TRPV6: variants seen among roughly 807,000 people sequenced by gnomAD.
The protein encoded by TRPV6 is transient receptor potential cation channel subfamily V member 6.
TRPV6 carries 39 observed loss-of-function variants against 79.0 expected under a neutral mutation model. The ratio of observed to expected loss-of-function variants is 0.49; its 90% CI spans 0.38 to 0.64. The LOEUF (loss-of-function observed/expected upper bound fraction) is 0.64, where lower values mean the gene tolerates loss of function less well. TRPV6 is among the 30% of genes least tolerant of loss of function. TRPV6 has a pLI of 0.00. For missense variants in TRPV6, 813 were observed against 1,011.1 expected (o/e 0.80, Z 2.66); for synonymous variants, 373 against 391.9 (o/e 0.95, Z 0.57).
Position 142,871,458 on chromosome 7 carries a change from G to A in TRPV6, c.*249C>T, listed in dbSNP as rs1794924046. On this transcript the variant is annotated 3_prime_UTR_variant, in exon 15 of 15. Coordinates refer to ENST00000359396, the MANE Select transcript of TRPV6 (RefSeq NM_018646.6). ...AGTGCTCCTGTCGGAAGGGTGATGA[G>A]CAGGCCACAGGAGAGTTCCTCACGC... 3.8e-6 allele frequency: 2 copies of A among 527,954 alleles called. No homozygotes were observed. Among genetic ancestry groups the A allele is most frequent in the Non-Finnish European group, 6.7e-6 (2 of 298,236 alleles). 32.7% of individuals were successfully genotyped at this position (527,954 alleles called of 1,614,324 possible).
rs1795291064 is a variant in TRPV6 at position 142,885,628 on chromosome 7, A to G, written c.9T>C (p.Pro3=). ...GGGCCGGCCCACCGTCTCCCTGTAG[A>G]GGTCCCGTCTCCTGTCTCCTGCCTT... The change falls in exon 1 of 15, where the codon CCT becomes CCC. Residue 3 remains proline (P), a synonymous_variant. Coordinates refer to ENST00000359396, the MANE Select transcript of TRPV6 (RefSeq NM_018646.6). 1 of 1,415,960 alleles carries G rather than the reference A, an allele frequency of 7.1e-7. No individual in the cohort carries two copies. The highest frequency in any genetic ancestry group is 1.4e-5 in the African/African-American group (1 of 69,240). 87.7% of individuals were successfully genotyped at this position (1,415,960 alleles called of 1,614,324 possible). A position where few individuals can be genotyped will look rare whatever the true frequency, so the allele number is the denominator to read the frequency against.
rs1207380121 is a variant in TRPV6, at chr7:142,871,808, C to T, written c.2197G>A (p.Ala733Thr). Reference sequence around the variant, plus strand: ...CCTTGCCGAAGCCTTTCCCAATTGGCACTGCTGCGGGAGGTACTTCGAGAC... The same window carrying T: ...CCTTGCCGAAGCCTTTCCCAATTGGTACTGCTGCGGGAGGTACTTCGAGAC... Residue 733 changes from alanine to threonine, a missense_variant, in exon 15 of 15, where the codon GCC becomes ACC. By Grantham distance (58) the Ala-to-Thr change is moderately conservative (BLOSUM62 0). Around this residue, in one of 3 missense-constraint regions of TRPV6, gnomAD observed 164 missense variants for 186.1 expected, o/e 0.88. Transcript: ENST00000359396. 3 of 1,614,066 alleles carry T rather than the reference C, an allele frequency of 1.9e-6. No individual in the cohort carries two copies. Among genetic ancestry groups the T allele is most frequent in the Non-Finnish European group, 2.5e-6 (3 of 1,180,024 alleles).
At chr7:142,875,051 C>T (rs1385271152) in intron 9 of TRPV6, 27 bp downstream of exon 9, 1 of 1,614,134 alleles carries the variant, frequency 6.2e-7, no homozygotes, top group East Asian at 2.2e-5. Flanking sequence ...GGCAGACAGC[C>T]TCACCCAGAG....
chr7:142,876,048 A>T (rs1420115537), intron 6 of TRPV6, 144 bp from the exon 7 acceptor site: 15 of 877,078 alleles, frequency 1.7e-5, no homozygotes, highest in Non-Finnish European at 2.5e-5. Flanking sequence ...AGGGCAGAAG[A>T]ACCCACATTC....
At chr7:142,874,293 G>A (rs1340478119) in intron 11 of TRPV6, 151 bp from the exon 12 acceptor site, 1 of 1,144,912 alleles carries the variant, frequency 8.7e-7, no homozygotes, top group Non-Finnish European at 1.3e-6. Context: ...AGATCTACCT[G>A]ACCTGCTTTG....
chr7:142,885,338 G>C (rs371485236), intron 1 of TRPV6, 51 bp downstream of exon 1: 17 of 1,553,406 alleles, frequency 1.1e-5, no homozygotes, highest in Non-Finnish European at 1.5e-5. Context: ...GTGAGGGGTA[G>C]AGGTGCAGGC....
chr7:142,883,686 C>T (rs1347510282), intron 1 of TRPV6: 1 of 152,236 alleles, frequency 6.6e-6, no homozygotes, highest in Admixed American at 6.5e-5. Flanking sequence ...GCCCCCATGC[C>T]TTCTCTTTGG....
chr7:142,877,449 T>G, intron 3 of TRPV6, 170 bp from the exon 4 acceptor site: 1 of 1,458,522 alleles, frequency 6.9e-7, no homozygotes, highest in East Asian at 2.3e-5. Flanking sequence ...TCTCTTCCTC[T>G]TCTCTAGGCC....
rs1432419862 is a variant in TRPV6, at chr7:142,873,456, T to C, written c.1900A>G (p.Arg634Gly). Reference sequence around the variant, plus strand: ...GCCACCAGGGGGCTCACCTGGGCCCTCCACAGCTCATCCCGCTCATGGGCC... The same window carrying C: ...GCCACCAGGGGGCTCACCTGGGCCCCCCACAGCTCATCCCGCTCATGGGCC... The change falls in exon 13 of 15, where the codon AGG (arginine) becomes GGG (glycine). Residue 634 changes from arginine (R) to glycine (G), a missense_variant. This residue lies in a region of TRPV6 where 164 missense variants were observed against 186.1 expected (regional missense o/e 0.88). Coordinates refer to ENST00000359396, the MANE Select transcript of TRPV6 (RefSeq NM_018646.6). This position sits in a 1 kb window ranked among gnomAD's most constrained non-coding sequence, Gnocchi z 4.8. 1.9e-6 allele frequency: 3 copies of C among 1,613,932 alleles called. No homozygotes were observed. Among genetic ancestry groups the C allele is most frequent in the African/African-American group, 1.3e-5 (1 of 74,922 alleles).
intron 1 of TRPV6, chr7:142,883,067 T>C (rs1241691191): frequency 6.6e-6 from 1 of 152,194 alleles, no homozygotes; most frequent in Non-Finnish European, 1.5e-5. Context: ...TTCAGTAAAC[T>C]TTGGTCATAG....
chr7:142,876,012 CCTTTCATTT>C (rs1795060195), intron 6 of TRPV6, 108 bp from the exon 7 acceptor site: 1 of 1,307,804 alleles, frequency 7.6e-7, no homozygotes, highest in African/African-American at 1.5e-5. Context: ...AGGTGGCTGC[CCTTTCATTT>C]TGATGACAGC....
Position 142,885,740 on chromosome 7 carries a change from G to A in TRPV6, c.-104C>T, listed in dbSNP as rs1563360587. On this transcript the variant is annotated 5_prime_UTR_variant, in exon 1 of 15. Transcript: ENST00000359396. ...TGTTACACTTGGCAGAGCCAGCCAG[G>A]ACTCTGCAGGGCTGGCCTGTCTGGA... 4 of 541,896 alleles carry A rather than the reference G, an allele frequency of 7.4e-6. No homozygotes were observed. The South Asian group carries it at 1.0e-4, about 14-fold the overall frequency. The allele number at this position is 541,896 out of a possible 1,614,324, so 33.6% of individuals were successfully genotyped here. A position where few individuals can be genotyped will look rare whatever the true frequency, so the allele number is the denominator to read the frequency against.
rs781279435 is a variant in TRPV6 at position 142,885,548 on chromosome 7, G to A, written c.89C>T (p.Pro30Leu). ...TAGGGCCGGCTCCTTGGGGGCCTGA[G>A]GCCGAGGCCAGACCCTGACGGGACT... Residue 30 changes from proline to leucine, a missense_variant, in exon 1 of 15, where the codon CCT (proline) becomes CTT (leucine). By Grantham distance (98) the Pro-to-Leu change is moderately conservative. Coordinates refer to ENST00000359396, the MANE Select transcript of TRPV6 (RefSeq NM_018646.6). The A allele has an allele frequency of 2.5e-6, 4 of 1,581,492 alleles. No individual in the cohort carries two copies. The South Asian group carries it at 4.7e-5, about 18-fold the overall frequency.
chr7:142,873,856 C>T lies in TRPV6; in HGVS notation c.1640-140G>A, dbSNP rs569768115. 694 of 1,270,624 alleles carry T rather than the reference C, an allele frequency of 5.5e-4. 5 individuals carry two copies. Among genetic ancestry groups the T allele is most frequent in the South Asian group, 2.4e-3 (169 of 69,986 alleles). 78.7% of individuals were successfully genotyped at this position (1,270,624 alleles called of 1,614,324 possible). ...CAGTGCTCCAAACTTTGGGTTTTTA[C>T]GGTCCCTAGTTTTGTATGAGCCTCA... On this transcript the variant is annotated intron_variant, in intron 12 of 14. Transcript: ENST00000359396. The surrounding 1 kb of genome is among the most constrained non-coding windows in gnomAD (Gnocchi z 4.8).
At chr7:142,872,025 AC>A in intron 14 of TRPV6, 36 bp from the exon 15 acceptor site, 1 of 1,547,264 alleles carries the variant, frequency 6.5e-7, no homozygotes, top group Non-Finnish European at 8.7e-7. Context: ...CACAGCCAGG[AC>A]TTGAAGAACA....
In TRPV6 at chr7:142,873,991, C is replaced by T; in HGVS notation, c.1639+85G>A. On this transcript the variant is annotated intron_variant, in intron 12 of 14. Transcript: ENST00000359396. The surrounding 1 kb of genome is among the most constrained non-coding windows in gnomAD (Gnocchi z 4.8). The stretch of plus-strand genomic sequence containing the variant: ...TCCTCTGATCTCTGCATTACTCCTC[C>T]TCCCCAAGTTTAGCCAGAGCCAGTG... 4 of 1,457,634 alleles carry T rather than the reference C, an allele frequency of 2.7e-6. No homozygotes were observed. Among genetic ancestry groups the T allele is most frequent in the Non-Finnish European group, 3.8e-6 (4 of 1,054,720 alleles). The allele number at this position is 1,457,634 out of a possible 1,614,324, so 90.3% of individuals were successfully genotyped here.
Position 142,877,920 on chromosome 7 carries a change from G to C in TRPV6, c.346+9C>G, listed in dbSNP as rs1180593797. 6.2e-7 allele frequency: 1 copy of C among 1,614,112 alleles called. No individual in the cohort carries two copies. The highest frequency in any genetic ancestry group is 8.5e-7 in the Non-Finnish European group (1 of 1,179,948). ...ACCTAGGAGATCATGCTGCATTTGTGCTTCTTACCTCTCTGGTGCACCTTG... is the reference window on the plus strand; with the variant it reads ...ACCTAGGAGATCATGCTGCATTTGTCCTTCTTACCTCTCTGGTGCACCTTG... On this transcript the variant is annotated intron_variant, in intron 2 of 14. Coordinates refer to ENST00000359396, the MANE Select transcript of TRPV6 (RefSeq NM_018646.6).
In TRPV6 at chr7:142,873,819, T is replaced by C; in HGVS notation, c.1640-103A>G. On this transcript the variant is annotated intron_variant, in intron 12 of 14. Transcript: ENST00000359396. This position sits in a 1 kb window ranked among gnomAD's most constrained non-coding sequence, Gnocchi z 4.8. ...CCATCCTGGTCCCTTCATCTCAATA[T>C]CACCAGCTCTGCAGTGCTCCAAACT... 6.7e-7 allele frequency: 1 copy of C among 1,503,286 alleles called. No individual in the cohort carries two copies. Among genetic ancestry groups the C allele is most frequent in the African/African-American group, 1.4e-5 (1 of 72,676 alleles). The allele number at this position is 1,503,286 out of a possible 1,614,324, so 93.1% of individuals were successfully genotyped here.
chr7:142,881,617 GTTTTC>G (rs1795193126), intron 1 of TRPV6: 1 of 152,132 alleles, frequency 6.6e-6, no homozygotes, highest in Non-Finnish European at 1.5e-5. Flanking sequence ...GTTCTAGAAT[GTTTTC>G]TTTTACTAGG....
Sources: gnomAD v4.1 joint callset for allele counts on GRCh38, gnomAD v4.1.1 for gene constraint, gnomAD v4.1.1 regional missense constraint, Gnocchi (gnomAD v3.1) non-coding constraint, MANE v1.5 for transcripts, NCBI Gene and HGNC (gene_info 2026-07-23, HGNC 2026-07-21) for gene names.